Variants in MAP3K20 observed in about 807,000 individuals in gnomAD.
MAP3K20 encodes the protein HCCS-4.
In MAP3K20, 40 loss-of-function variants were observed where a neutral mutation model predicts 85.7. That is an observed-to-expected ratio of 0.47 (90% CI 0.36 to 0.61). MAP3K20 has a LOEUF of 0.61. Among genes scored for constraint, MAP3K20 ranks in the 20% least tolerant of loss-of-function variants. The pLI, the probability that MAP3K20 is intolerant of heterozygous loss-of-function variation, is 0.00. For synonymous variants in MAP3K20, 325 were observed against 327.7 expected (o/e 0.99, Z 0.09); for missense variants, 817 against 961.7 (o/e 0.85, Z 1.99).
chr2:173,195,054 A>G lies in MAP3K20; in HGVS notation c.583-2972A>G, dbSNP rs1057284024. Among the ~76,000 whole-genome samples, 15 of 152,150 alleles carry G rather than the reference A, an allele frequency of 9.9e-5. No individual in the cohort carries two copies. The Middle Eastern group carries it at 0.014, about 138-fold the overall frequency. On this transcript the variant is annotated intron_variant, in intron 7 of 19. Coordinates refer to ENST00000375213, the MANE Select transcript of MAP3K20 (RefSeq NM_016653.3). ...TTCCCTCCATTTTATGAGAAATGAGATTTTTCTACCCTCTTATGAGAACTC... is the reference window on the plus strand; with the variant it reads ...TTCCCTCCATTTTATGAGAAATGAGGTTTTTCTACCCTCTTATGAGAACTC...
At chr2:173,232,676 G>A (rs773951628) in intron 14 of MAP3K20, among the ~76,000 whole-genome samples, 6 of 151,980 alleles carry the variant, frequency 3.9e-5, no homozygotes, top group Admixed American at 1.3e-4. Flanking sequence ...GCTAATTTTT[G>A]TATTTTTAGT....
chr2:173,232,915 T>C (rs1684556602), intron 14 of MAP3K20, among the ~76,000 whole-genome samples: 1 of 152,174 alleles, frequency 6.6e-6, no homozygotes, highest in African/African-American at 2.4e-5. Context: ...CTTACACAAG[T>C]TGATAATCAG....
At chr2:173,257,147 G>A (rs185432983) in intron 16 of MAP3K20, among the ~76,000 whole-genome samples, 3 of 152,228 alleles carry the variant, frequency 2.0e-5, no homozygotes, top group South Asian at 2.1e-4. Flanking sequence ...CTGGGTGACA[G>A]AGCAAGACCC....
At chr2:173,101,669 G>A (rs1447039538) in intron 2 of MAP3K20, among the ~76,000 whole-genome samples, 5 of 152,140 alleles carry the variant, frequency 3.3e-5, no homozygotes, top group Non-Finnish European at 7.4e-5. Context: ...TTGAAAAATT[G>A]GAGGAGAGAA....
In MAP3K20 at chr2:173,083,076, A is replaced by G. The variant is rs1163391290; in HGVS notation, c.-35+7074A>G. ...GAATGTTTAGCTTATTTTTATTCTTACCATTGCTCTAACTAGAGAGTTACA... is the reference window on the plus strand; with the variant it reads ...GAATGTTTAGCTTATTTTTATTCTTGCCATTGCTCTAACTAGAGAGTTACA... On this transcript the variant is annotated intron_variant, in intron 1 of 19. Transcript: ENST00000375213. Among the ~76,000 whole-genome samples, 4 of 152,246 alleles carry G rather than the reference A, an allele frequency of 2.6e-5. No homozygotes were observed. The East Asian group carries it at 7.7e-4, about 29-fold the overall frequency.
intron 12 of MAP3K20, among the ~76,000 whole-genome samples, chr2:173,231,194 A>T (rs1275611698): frequency 6.6e-6 from 1 of 152,186 alleles, no homozygotes; most frequent in African/African-American, 2.4e-5. Context: ...TCCTCAAAAG[A>T]TCTGTTTACC....
chr2:173,159,199 T>G (rs988842124), intron 2 of MAP3K20, among the ~76,000 whole-genome samples: 4 of 152,234 alleles, frequency 2.6e-5, no homozygotes, highest in Non-Finnish European at 5.9e-5. Context: ...AGTTCCAATT[T>G]GAAGCCTTGT....
At chr2:173,152,870 A>C (rs563807914) in intron 2 of MAP3K20, among the ~76,000 whole-genome samples, 62 of 152,226 alleles carry the variant, frequency 4.1e-4, no homozygotes, top group Non-Finnish European at 1.2e-4. Context: ...GTGAAGGCAC[A>C]CTCTAGGGAA....
chr2:173,127,535 C>G (rs1688477097), intron 2 of MAP3K20, among the ~76,000 whole-genome samples: 1 of 152,210 alleles, frequency 6.6e-6, no homozygotes, highest in Middle Eastern at 3.4e-3. Context: ...TGGGAAACAA[C>G]TGGTATAAGA....
chr2:173,252,991 G>T (rs1366279039), intron 16 of MAP3K20, among the ~76,000 whole-genome samples: 1 of 152,180 alleles, frequency 6.6e-6, no homozygotes, highest in East Asian at 1.9e-4. Context: ...ACTGGCCATT[G>T]TTATGTTGCT....
intron 1 of MAP3K20, among the ~76,000 whole-genome samples, chr2:173,082,075 T>C (rs1687029656): frequency 6.6e-6 from 1 of 152,062 alleles, no homozygotes. Context: ...AATCATAGCT[T>C]ATGGCAACCT....
At chr2:173,093,545 A>G (rs1469687255) in intron 2 of MAP3K20, among the ~76,000 whole-genome samples, 1 of 152,192 alleles carries the variant, frequency 6.6e-6, no homozygotes, top group African/African-American at 2.4e-5. Context: ...TCTCTGTTTT[A>G]GTGGGTATAC....
chr2:173,188,619 G>C (rs759602712), intron 5 of MAP3K20, among the ~76,000 whole-genome samples: 2 of 151,720 alleles, frequency 1.3e-5, no homozygotes, highest in Non-Finnish European at 2.9e-5. Context: ...TGTGTGTTTA[G>C]CAGGGGGTGA....
intron 7 of MAP3K20, among the ~76,000 whole-genome samples, chr2:173,194,608 T>A (rs1291642045): frequency 1.3e-5 from 2 of 152,116 alleles, no homozygotes; most frequent in East Asian, 3.9e-4. Context: ...ATTTTTTATG[T>A]CTTTTCAAAA....
intron 4 of MAP3K20, among the ~76,000 whole-genome samples, chr2:173,184,696 G>T (rs1421700482): frequency 1.3e-5 from 2 of 152,102 alleles, no homozygotes; most frequent in Non-Finnish European, 1.5e-5. Context: ...ATCACTTGAG[G>T]CCAGGAATTT....
At chr2:173,133,541 A>G (rs1201881784) in intron 2 of MAP3K20, among the ~76,000 whole-genome samples, 1 of 152,146 alleles carries the variant, frequency 6.6e-6, no homozygotes, top group African/African-American at 2.4e-5. Flanking sequence ...TTCAGAGAAT[A>G]TGAAGGTATG....
chr2:173,226,149 G>A, intron 11 of MAP3K20: 1 of 967,034 alleles, frequency 1.0e-6, no homozygotes, highest in Non-Finnish European at 1.2e-6. Context: ...CACCAGCTAA[G>A]GTAGTCAAAC....
intron 16 of MAP3K20, among the ~76,000 whole-genome samples, chr2:173,247,152 A>G (rs1684935302): frequency 6.6e-6 from 1 of 152,114 alleles, no homozygotes; most frequent in Non-Finnish European, 1.5e-5. Context: ...TTCAATCAAT[A>G]GTTCTGCTTT....
intron 10 of MAP3K20, 56 bp from the exon 11 acceptor site, chr2:173,217,059 A>G: frequency 1.5e-6 from 2 of 1,362,546 alleles, no homozygotes; most frequent in Non-Finnish European, 1.9e-6. Context: ...TGGACCCACT[A>G]AGCGCTTGAT....
Sources: allele counts gnomAD v4.1 joint callset (sites outside exome capture counted in the v4.1 genomes callset), GRCh38; gene constraint gnomAD v4.1.1; transcripts MANE v1.5; gene names NCBI Gene and HGNC (gene_info 2026-07-23, HGNC 2026-07-21).